PARG: variants seen among roughly 807,000 people sequenced by gnomAD.
The protein encoded by PARG is poly(ADP-ribose) glycohydrolase.
Under a neutral mutation model 113.0 loss-of-function variants are expected in PARG, and 35 were observed. That is an observed-to-expected ratio of 0.31 (90% CI 0.24 to 0.41). The LOEUF (loss-of-function observed/expected upper bound fraction) is 0.41, where lower values mean the gene tolerates loss of function less well. PARG is among the 10% of genes least tolerant of loss of function. PARG has a pLI of 1.00. For missense variants in PARG, 797 were observed against 1,169.4 expected, an observed-to-expected ratio of 0.68 and a Z score of 4.64; for synonymous variants, 330 against 409.9, an observed-to-expected ratio of 0.81 and a Z score of 2.36.
At chr10:49,900,586 T>G (rs1158765668) in intron 7 of PARG, among the ~76,000 whole-genome samples, 120 of 152,382 alleles carry the variant, frequency 7.9e-4, no homozygotes, top group African/African-American at 2.5e-3. Flanking sequence ...CAATCATATC[T>G]ATTTTCATGC....
At chr10:49,913,571 C>T (rs1224909805) in intron 7 of PARG, among the ~76,000 whole-genome samples, 1 of 152,164 alleles carries the variant, frequency 6.6e-6, no homozygotes, top group Non-Finnish European at 1.5e-5. Flanking sequence ...GTTGTGGGGA[C>T]TTCTCCAACC....
intron 7 of PARG, among the ~76,000 whole-genome samples, chr10:49,888,647 TTTTC>T: frequency 6.6e-6 from 1 of 152,344 alleles, no homozygotes; most frequent in South Asian, 2.1e-4. Context: ...TTTCAAGATT[TTTTC>T]TTTGCCTTTG....
At chr10:49,928,247 G>C (rs1352915601) in intron 4 of PARG, among the ~76,000 whole-genome samples, 1 of 151,982 alleles carries the variant, frequency 6.6e-6, no homozygotes, top group Non-Finnish European at 1.5e-5. Flanking sequence ...CTCCAGTCTG[G>C]GTGACAGAGC....
intron 4 of PARG, among the ~76,000 whole-genome samples, chr10:49,927,369 GGAAAGAAAGAAAGAAAGAAAGAAA>G (rs200282973): frequency 1.9e-3 from 253 of 130,750 alleles, no homozygotes; most frequent in South Asian, 9.3e-3. Context: ...AAGGAAAGAA[GGAAAGAAAGAAAGAAAGAAAGAAA>G]GAAAGAAAGA....
In PARG at chr10:49,920,543, CAT is replaced by C. The variant is rs1228344132; in HGVS notation, c.1662+1791_1662+1792del. 2.8e-3 allele frequency among the ~76,000 whole-genome samples: 362 copies of C among 128,574 alleles called. 2 individuals carry two copies. The highest frequency in any genetic ancestry group is 6.9e-3 in the African/African-American group (242 of 34,940). The allele number at this position is 128,574 out of a possible 152,430, so 84.3% of individuals were successfully genotyped here. The stretch of plus-strand genomic sequence containing the variant: ...ATGTATATACATGTATATATATACA[CAT>C]ATATATACATATATACGTATATATA... On this transcript the variant is annotated intron_variant, in intron 6 of 17. Transcript: ENST00000616448.
At chr10:49,900,878 T>C (rs1284693574) in intron 7 of PARG, among the ~76,000 whole-genome samples, 1 of 152,206 alleles carries the variant, frequency 6.6e-6, no homozygotes, top group Non-Finnish European at 1.5e-5. Flanking sequence ...CAATACCACA[T>C]AGTCACATTA....
chr10:49,832,988 T>A (rs959203857), intron 15 of PARG, 80 bp from the exon 16 acceptor site: 2 of 636,988 alleles, frequency 3.1e-6, no homozygotes, highest in Non-Finnish European at 5.2e-6. Context: ...AGGATCAGTG[T>A]CCATTATCAA....
At chr10:49,935,853 C>T (rs1252917034) in intron 1 of PARG, among the ~76,000 whole-genome samples, 14 of 151,974 alleles carry the variant, frequency 9.2e-5, no homozygotes, top group African/African-American at 3.4e-4. Context: ...TCATACCATA[C>T]AATAGGATCT....
intron 10 of PARG, among the ~76,000 whole-genome samples, 169 bp downstream of exon 10, chr10:49,869,307 A>T (rs1846676597): frequency 6.6e-6 from 1 of 152,218 alleles, no homozygotes; most frequent in South Asian, 2.1e-4. Context: ...GTTTATGCTT[A>T]TACACAACAT....
At chr10:49,911,535 AGCCCTGAAGTT>A (rs1837182261) in intron 7 of PARG, among the ~76,000 whole-genome samples, 1 of 152,368 alleles carries the variant, frequency 6.6e-6, no homozygotes, top group Non-Finnish European at 1.5e-5. Flanking sequence ...GACCAATATT[AGCCCTGAAGTT>A]GCAGAAAACA....
At chr10:49,909,154 C>T (rs1158098808) in intron 7 of PARG, among the ~76,000 whole-genome samples, 2 of 152,176 alleles carry the variant, frequency 1.3e-5, no homozygotes, top group East Asian at 3.8e-4. Context: ...ACCACATATG[C>T]ATGAATGCAT....
chr10:49,838,843 C>A (rs1019548807), intron 15 of PARG, among the ~76,000 whole-genome samples: 1 of 152,156 alleles, frequency 6.6e-6, no homozygotes, highest in Admixed American at 6.5e-5. Context: ...CATCACTATA[C>A]ATTAAAAATT....
chr10:49,893,388 T>C (rs148791164), intron 7 of PARG, among the ~76,000 whole-genome samples: 2,463 of 152,356 alleles, frequency 0.016, 23 homozygotes, highest in Non-Finnish European at 0.024. Context: ...CCTTTCAAAC[T>C]CTTGCTCATT....
At chr10:49,858,817 C>T (rs1182638214) in intron 12 of PARG, among the ~76,000 whole-genome samples, 1 of 151,420 alleles carries the variant, frequency 6.6e-6, no homozygotes, top group Non-Finnish European at 1.5e-5. Flanking sequence ...CTACCTACTA[C>T]ATATGAGGTC....
intron 4 of PARG, among the ~76,000 whole-genome samples, chr10:49,931,345 A>G (rs1838469258): frequency 6.6e-6 from 1 of 152,102 alleles, no homozygotes; most frequent in South Asian, 2.1e-4. Context: ...CAAAATAGCC[A>G]CAAGATTAGA....
chr10:49,837,874 A>G (rs951335678), intron 15 of PARG, among the ~76,000 whole-genome samples: 1 of 152,198 alleles, frequency 6.6e-6, no homozygotes, highest in Non-Finnish European at 1.5e-5. Context: ...CACTCGAGGT[A>G]TTTCCTTGTC....
At chr10:49,902,245 G>A (rs1554843883) in intron 7 of PARG, among the ~76,000 whole-genome samples, 1 of 152,158 alleles carries the variant, frequency 6.6e-6, no homozygotes, top group East Asian at 1.9e-4. Flanking sequence ...TTATTCAACT[G>A]CATCAGGCTA....
rs1267790376 is a variant in PARG at position 49,890,305 on chromosome 10, T to C, written c.1738-5010A>G. 7.9e-5 allele frequency among the ~76,000 whole-genome samples: 12 copies of C among 152,286 alleles called. No homozygotes were observed. The South Asian group carries it at 8.3e-4, about 11-fold the overall frequency. The stretch of plus-strand genomic sequence containing the variant: ...CAACTTTTTATTCTAGTCCCACAAA[T>C]TGGCTGTATATATATGTAATATATA... On this transcript the variant is annotated intron_variant, in intron 7 of 17. Transcript: ENST00000616448.
At position 49,876,526 on chromosome 10, in the gene PARG, C is replaced by T. The variant is rs571698754; in HGVS notation, c.1988+3147G>A. Among the ~76,000 whole-genome samples the T allele has an allele frequency of 4.6e-5, 7 of 152,076 alleles. No homozygotes were observed. In the East Asian group the frequency reaches 7.8e-4, roughly 17 times the overall value. Reference sequence around the variant, plus strand: ...TAAATTATATCTTTCTTTAATAAAACGTCATGGTGCTGTGCACCTCTCCAG... The same window carrying T: ...TAAATTATATCTTTCTTTAATAAAATGTCATGGTGCTGTGCACCTCTCCAG... On this transcript the variant is annotated intron_variant, in intron 9 of 17. Coordinates refer to ENST00000616448, the MANE Select transcript of PARG (RefSeq NM_003631.5).
Sources: gnomAD v4.1 joint callset for allele counts (sites outside exome capture counted in the v4.1 genomes callset) on GRCh38, gnomAD v4.1.1 for gene constraint, MANE v1.5 for transcripts, NCBI Gene and HGNC (gene_info 2026-07-23, HGNC 2026-07-21) for gene names.